Variants in RPS11 observed in about 807,000 individuals in gnomAD.
RPS11 encodes ribosomal protein S11.
For synonymous variants in RPS11, 107 were observed against 78.0 expected (o/e 1.37, Z -1.96); for missense variants, 127 against 211.4 (o/e 0.60, Z 2.48).
At chr19:49,497,117 C>T in intron 1 of RPS11, 77 bp from the exon 2 acceptor site, 1 of 1,560,358 alleles carries the variant, frequency 6.4e-7, no homozygotes, top group Non-Finnish European at 8.7e-7. Context: ...CTGGGAGGTT[C>T]TGGGAAGGTC....
intron 1 of RPS11, 115 bp from the exon 2 acceptor site, chr19:49,497,079 C>G (rs1349550664): frequency 7.7e-7 from 1 of 1,292,968 alleles, no homozygotes; most frequent in Non-Finnish European, 1.1e-6. Context: ...GACGCCGGCG[C>G]TTTGCAAGTA....
At chr19:49,497,017 T>C (rs2079909701) in intron 1 of RPS11, among the ~76,000 whole-genome samples, 177 bp from the exon 2 acceptor site, 1 of 152,004 alleles carries the variant, frequency 6.6e-6, no homozygotes, top group Non-Finnish European at 1.5e-5. Context: ...GAATTACAGG[T>C]AAGGTCAGGG....
chr19:49,496,483 G>C lies in RPS11; in HGVS notation c.15+12G>C, dbSNP rs1275144863. 6.2e-7 allele frequency: 1 copy of C among 1,609,672 alleles called. No individual in the cohort carries two copies. The highest frequency in any genetic ancestry group is 1.7e-5 in the Admixed American group (1 of 59,730). On this transcript the variant is annotated intron_variant, in intron 1 of 4. Coordinates refer to ENST00000270625, the MANE Select transcript of RPS11 (RefSeq NM_001015.5). ...TGGCGGACATTCAGGTGCGGACTCG[G>C]GGTTGGATGCCAGGGTGCGGGGTCC...
chr19:49,498,336 A>G (rs1365407523), intron 4 of RPS11: 3 of 427,786 alleles, frequency 7.0e-6, no homozygotes, highest in South Asian at 2.2e-5. Context: ...TTTGTTTCAT[A>G]TACACCTTAT....
intron 4 of RPS11, chr19:49,498,367 C>CT (rs1244789475): frequency 2.8e-6 from 1 of 350,962 alleles, no homozygotes; most frequent in East Asian, 6.3e-5. Context: ...TGAAAGTAGT[C>CT]TTACGCAGTG....
At chr19:49,499,446 G>A in intron 4 of RPS11, 66 bp from the exon 5 acceptor site, 2 of 1,561,686 alleles carry the variant, frequency 1.3e-6, no homozygotes, top group African/African-American at 1.4e-5. Context: ...GTGAAGGGGA[G>A]GGAGGGCCTC....
chr19:49,498,234 T>G, intron 4 of RPS11, 188 bp downstream of exon 4: 26 of 624,030 alleles, frequency 4.2e-5, no homozygotes, highest in Non-Finnish European at 6.6e-5. Flanking sequence ...TGAATATCTC[T>G]ACCTGAAATG....
intron 1 of RPS11, 110 bp from the exon 2 acceptor site, chr19:49,497,084 C>G: frequency 7.5e-7 from 1 of 1,341,718 alleles, no homozygotes; most frequent in Non-Finnish European, 1.0e-6. Flanking sequence ...CGGCGCTTTG[C>G]AAGTAAATGT....
intron 1 of RPS11, 83 bp downstream of exon 1, chr19:49,496,554 C>G: frequency 7.0e-7 from 1 of 1,435,318 alleles, no homozygotes; most frequent in South Asian, 1.3e-5. Flanking sequence ...GCCCGGCGGC[C>G]AAGTTCGGGG....
At chr19:49,499,383 G>A (rs920462625) in intron 4 of RPS11, 129 bp from the exon 5 acceptor site, 25 of 969,818 alleles carry the variant, frequency 2.6e-5, no homozygotes, top group African/African-American at 9.7e-5. Context: ...TTGAATTGGC[G>A]AGTAGAGCTT....
Position 49,496,456 on chromosome 19 carries a change from G to C in RPS11, c.-1G>C. On this transcript the variant is annotated 5_prime_UTR_variant, in exon 1 of 5. Transcript: ENST00000270625. ...TTTCTTTTTTTCAGGCGGCCGGGAA[G>C]ATGGCGGACATTCAGGTGCGGACTC... 1.9e-6 allele frequency: 3 copies of C among 1,612,400 alleles called. No individual in the cohort carries two copies. Among genetic ancestry groups the C allele is most frequent in the Non-Finnish European group, 2.5e-6 (3 of 1,179,330 alleles).
chr19:49,497,143 C>T, intron 1 of RPS11, 51 bp from the exon 2 acceptor site: 3 of 1,605,756 alleles, frequency 1.9e-6, no homozygotes, highest in Non-Finnish European at 2.6e-6. Context: ...GGCTGGTTGG[C>T]TGCCGGCTTC....
intron 4 of RPS11, among the ~76,000 whole-genome samples, chr19:49,498,429 A>T (rs1275619320): frequency 6.6e-6 from 1 of 152,200 alleles, no homozygotes; most frequent in Non-Finnish European, 1.5e-5. Flanking sequence ...ACCATTGGAA[A>T]GCAAAGGTGT....
At chr19:49,499,048 C>G (rs1695351295) in intron 4 of RPS11, among the ~76,000 whole-genome samples, 1 of 152,124 alleles carries the variant, frequency 6.6e-6, no homozygotes, top group African/African-American at 2.4e-5. Context: ...CAAGTATAAC[C>G]AGAATGGGGA....
intron 4 of RPS11, among the ~76,000 whole-genome samples, chr19:49,498,486 T>C (rs991951414): frequency 6.6e-6 from 1 of 152,188 alleles, no homozygotes; most frequent in African/African-American, 2.4e-5. Context: ...GCACCGTGGC[T>C]CAAGCCAGTA....
At chr19:49,497,708 TC>T in intron 3 of RPS11, 113 bp downstream of exon 3, 1 of 1,169,444 alleles carries the variant, frequency 8.6e-7, no homozygotes, top group Non-Finnish European at 1.3e-6. Context: ...AACTTGTAGG[TC>T]CAGGTACATT....
chr19:49,498,298 T>C (rs2079917567), intron 4 of RPS11: 2 of 509,406 alleles, frequency 3.9e-6, no homozygotes, highest in Admixed American at 3.2e-5. Context: ...GTTTTGGGGA[T>C]GTGACATAGG....
intron 1 of RPS11, 68 bp from the exon 2 acceptor site, chr19:49,497,126 T>G (rs1601172301): frequency 6.9e-6 from 11 of 1,584,680 alleles, no homozygotes; most frequent in Non-Finnish European, 9.5e-6. Flanking sequence ...TCTGGGAAGG[T>G]CTCTAGGGCT....
intron 4 of RPS11, 56 bp downstream of exon 4, chr19:49,498,102 C>G (rs1219256220): frequency 6.3e-7 from 1 of 1,599,988 alleles, no homozygotes; most frequent in Non-Finnish European, 8.5e-7. Context: ...CCTTCAGATT[C>G]CAGATCGGAC....
Sources: allele counts gnomAD v4.1 joint callset (sites outside exome capture counted in the v4.1 genomes callset), GRCh38; gene constraint gnomAD v4.1.1; transcripts MANE v1.5; gene names NCBI Gene and HGNC (gene_info 2026-07-23, HGNC 2026-07-21).